The following RIMS2 variants were observed in gnomAD, a reference collection of about 807,000 sequenced individuals.
The protein encoded by RIMS2 is regulating synaptic membrane exocytosis 2.
A neutral mutation model predicts 174.4 loss-of-function variants in RIMS2; 59 were observed. The ratio of observed to expected loss-of-function variants is 0.34; its 90% CI spans 0.27 to 0.42. RIMS2 has a LOEUF of 0.42. RIMS2 is among the 10% of genes least tolerant of loss of function. The pLI is 1.00. For synonymous variants in RIMS2, 606 were observed against 572.5 expected, an observed-to-expected ratio of 1.06 and a Z score of -0.84; for missense variants, 1,620 against 1,666.3, an observed-to-expected ratio of 0.97 and a Z score of 0.48.
rs533586744 is a variant in RIMS2, at chr8:103,981,012, G to A, written c.2927+5506G>A. On this transcript the variant is annotated intron_variant, in intron 16 of 23. Coordinates refer to ENST00000504942, the Ensembl canonical transcript of RIMS2. ...AGGGCCTAGGGGAACTTACCACCCC[G>A]AAGAGAAGTACCCAAACCTGGCTGG... 2.6e-4 allele frequency among the ~76,000 whole-genome samples: 40 copies of A among 152,276 alleles called. No individual in the cohort carries two copies. The South Asian group carries it at 4.1e-3, about 16-fold the overall frequency.
At chr8:104,136,921 A>G (rs2098525633) in intron 19 of RIMS2, among the ~76,000 whole-genome samples, 1 of 152,190 alleles carries the variant, frequency 6.6e-6, no homozygotes. Flanking sequence ...CTATGTAACA[A>G]CCTGCACTTG....
chr8:104,220,210 C>G (rs2099148814), intron 19 of RIMS2, among the ~76,000 whole-genome samples: 1 of 152,134 alleles, frequency 6.6e-6, no homozygotes. Flanking sequence ...TTTCTTCCTT[C>G]TCTTTCATTC....
intron 3 of RIMS2, among the ~76,000 whole-genome samples, chr8:103,823,014 A>G (rs1478078659): frequency 6.6e-6 from 1 of 151,988 alleles, no homozygotes; most frequent in African/African-American, 2.4e-5. Flanking sequence ...ATTCAAATAA[A>G]CATGCTAATG....
chr8:103,579,815 G>C (rs1665719241), intron 1 of RIMS2, among the ~76,000 whole-genome samples: 2 of 152,314 alleles, frequency 1.3e-5, no homozygotes, highest in Non-Finnish European at 2.9e-5. Context: ...AGGCTGTACA[G>C]GAAGCATGGT....
intron 3 of RIMS2, among the ~76,000 whole-genome samples, chr8:103,786,184 G>T (rs566118162): frequency 6.6e-6 from 1 of 152,246 alleles, no homozygotes; most frequent in Admixed American, 6.5e-5. Context: ...CGTCTTGCTA[G>T]TGGTCTATCA....
At chr8:103,761,439 T>C (rs1259998377) in intron 2 of RIMS2, among the ~76,000 whole-genome samples, 1 of 152,370 alleles carries the variant, frequency 6.6e-6, no homozygotes, top group African/African-American at 2.4e-5. Context: ...TCCACACTGG[T>C]AAGCTGATCA....
rs75512685 is a variant in RIMS2 at position 103,845,506 on chromosome 8, G to A, written c.699-39792G>A. 7.1e-3 allele frequency among the ~76,000 whole-genome samples: 1,075 copies of A among 151,998 alleles called. 10 individuals carry two copies. Among genetic ancestry groups the A allele is most frequent in the African/African-American group, 0.025 (1,031 of 41,476 alleles). On this transcript the variant is annotated intron_variant, in intron 3 of 23. Coordinates refer to ENST00000504942, the Ensembl canonical transcript of RIMS2. ...TTACTGTGACTCTCTAAATCATGTC[G>A]TATTAGTATACTACCATTATTTTAC... is the stretch of plus-strand genomic sequence containing the variant.
At chr8:104,196,533 A>G (rs928334730) in intron 19 of RIMS2, among the ~76,000 whole-genome samples, 6 of 152,148 alleles carry the variant, frequency 3.9e-5, no homozygotes, top group Non-Finnish European at 8.8e-5. Context: ...AAAACTAGAA[A>G]ACTAAGAAGT....
At chr8:103,628,687 G>A (rs570380672) in intron 1 of RIMS2, among the ~76,000 whole-genome samples, 84 of 143,906 alleles carry the variant, frequency 5.8e-4, no homozygotes, top group African/African-American at 2.0e-3. Flanking sequence ...TTTTTGTTTT[G>A]CCCTCTCTAT....
intron 3 of RIMS2, among the ~76,000 whole-genome samples, chr8:103,774,643 T>A (rs1401784509): frequency 6.6e-6 from 1 of 152,160 alleles, no homozygotes; most frequent in Admixed American, 6.5e-5. Context: ...AATCTCAAAA[T>A]CATTGTGATG....
intron 19 of RIMS2, among the ~76,000 whole-genome samples, chr8:104,146,173 G>A (rs116918991): frequency 0.018 from 2,340 of 133,266 alleles, 30 homozygotes; most frequent in Middle Eastern, 0.029. Context: ...AGACCAGCCC[G>A]GGCAACACAG....
intron 19 of RIMS2, among the ~76,000 whole-genome samples, chr8:104,189,812 A>C (rs186492039): frequency 8.5e-4 from 129 of 151,968 alleles, no homozygotes; most frequent in African/African-American, 2.9e-3. Flanking sequence ...TGAATCTCTG[A>C]AGACAGAAAA....
intron 19 of RIMS2, among the ~76,000 whole-genome samples, chr8:104,134,193 A>G (rs900102574): frequency 3.3e-5 from 5 of 152,192 alleles, no homozygotes; most frequent in African/African-American, 9.7e-5. Flanking sequence ...GGCCAGGCAC[A>G]GTGGCTCACG....
At chr8:103,798,998 T>C (rs768685522) in intron 3 of RIMS2, among the ~76,000 whole-genome samples, 4 of 151,970 alleles carry the variant, frequency 2.6e-5, no homozygotes, top group Middle Eastern at 6.8e-3. Context: ...AAAATGCCTA[T>C]TGTTGAGTTT....
Position 103,729,967 on chromosome 8 carries a change from T to C in RIMS2, c.387+32671T>C, listed in dbSNP as rs943656913. ...AAGACTTGTTTTGTGGCCTAGCATA[T>C]GGTCTATGCTTGAGAATGATTCATG... On this transcript the variant is annotated intron_variant, in intron 2 of 23. Transcript: ENST00000504942. 2.0e-5 allele frequency among the ~76,000 whole-genome samples: 3 copies of C among 152,216 alleles called. No homozygotes were observed. In the East Asian group the frequency reaches 5.8e-4, roughly 29 times the overall value.
At chr8:104,017,728 A>G (rs2154554495) in intron 19 of RIMS2, among the ~76,000 whole-genome samples, 1 of 152,310 alleles carries the variant, frequency 6.6e-6, no homozygotes, top group African/African-American at 2.4e-5. Flanking sequence ...ATAATTAACC[A>G]GTAAATTTAT....
intron 15 of RIMS2, among the ~76,000 whole-genome samples, chr8:103,972,009 T>G (rs925224414): frequency 7.2e-5 from 11 of 152,212 alleles, no homozygotes. Flanking sequence ...TCTTGGATCT[T>G]TTCTCTATCT....
intron 1 of RIMS2, among the ~76,000 whole-genome samples, chr8:103,585,187 A>C (rs1210794727): frequency 6.6e-6 from 1 of 152,210 alleles, no homozygotes; most frequent in East Asian, 1.9e-4. Context: ...AACCACAATG[A>C]GATATCATCT....
At chr8:103,606,582 T>C (rs1485722461) in intron 1 of RIMS2, among the ~76,000 whole-genome samples, 1 of 152,158 alleles carries the variant, frequency 6.6e-6, no homozygotes, top group Non-Finnish European at 1.5e-5. Flanking sequence ...CATTGATCTG[T>C]CTAATATTGA....
Sources: allele counts gnomAD v4.1 joint callset (sites outside exome capture counted in the v4.1 genomes callset), GRCh38; gene constraint gnomAD v4.1.1; transcripts MANE v1.5; gene names NCBI Gene and HGNC (gene_info 2026-07-23, HGNC 2026-07-21).